STXBP2: variants seen among roughly 807,000 people sequenced by gnomAD.
STXBP2 encodes syntaxin binding protein 2.
In STXBP2, 47 loss-of-function variants were observed where a neutral mutation model predicts 72.2. The ratio of observed to expected loss-of-function variants is 0.65; its 90% CI spans 0.51 to 0.83. The LOEUF (loss-of-function observed/expected upper bound fraction) is 0.83, where lower values mean the gene tolerates loss of function less well. STXBP2 is among the 40% of genes least tolerant of loss of function. The pLI is 0.00. For synonymous variants in STXBP2, 367 were observed against 338.7 expected (o/e 1.08, Z -0.92); for missense variants, 702 against 807.6 (o/e 0.87, Z 1.58).
chr19:7,642,801 GC>G lies in STXBP2; in HGVS notation c.939del (p.Ser313ArgfsTer4), dbSNP rs771855992. ...GAGCTCCTGAGGACCTTCTGTGAGA[GC>G]AAGAGGCTGACCACGGACAAGGTAG... is the stretch of plus-strand genomic sequence containing the variant. ...VTELLRTFCE[S>X]KRLTTDKANI... On this transcript the variant is annotated frameshift_variant, in exon 11 of 19. Transcript: ENST00000221283. LOFTEE classifies it high-confidence loss of function. This position sits in a 1 kb window ranked among gnomAD's most constrained non-coding sequence, Gnocchi z 6.0. 1 of 1,614,086 alleles carries G rather than the reference GC, an allele frequency of 6.2e-7. No homozygotes were observed. The highest frequency in any genetic ancestry group is 8.5e-7 in the Non-Finnish European group (1 of 1,180,012).
At chr19:7,644,582 C>T (rs547719405) in intron 13 of STXBP2, 32 bp from the exon 14 acceptor site, 81 of 1,608,080 alleles carry the variant, frequency 5.0e-5, no homozygotes, top group East Asian at 4.2e-4. Flanking sequence ...TGACACATAG[C>T]GGCCGGTGGA....
rs909117786 is a variant in STXBP2, at chr19:7,647,097, G to C, written c.1453-65G>C. 44 of 1,561,958 alleles carry C rather than the reference G, an allele frequency of 2.8e-5. No homozygotes were observed. In the Admixed American group the frequency reaches 7.4e-4, roughly 26 times the overall value. On this transcript the variant is annotated intron_variant, in intron 16 of 18. Transcript: ENST00000221283. ...ATCTTGGCCCCTGAATACCCCGTGGGGGGCACTCCTGACCCCGGACCCCAT... is the reference window on the plus strand; with the variant it reads ...ATCTTGGCCCCTGAATACCCCGTGGCGGGCACTCCTGACCCCGGACCCCAT...
upstream of STXBP2, among the ~76,000 whole-genome samples, chr19:7,634,313 A>G (rs2031448536): frequency 6.6e-6 from 1 of 152,132 alleles, no homozygotes; most frequent in South Asian, 2.1e-4. Flanking sequence ...TTCCCTCCCC[A>G]AGACGCCTTT....
At chr19:7,645,359 C>A in intron 15 of STXBP2, 53 bp downstream of exon 15, 1 of 1,515,950 alleles carries the variant, frequency 6.6e-7, no homozygotes. Context: ...GGATCACAGC[C>A]GGGGCTCTGC....
upstream of STXBP2, chr19:7,633,007 C>T: frequency 7.0e-7 from 1 of 1,432,856 alleles, no homozygotes; most frequent in Non-Finnish European, 9.1e-7. Flanking sequence ...CATGAGTCTC[C>T]TTCCCAATCC....
At chr19:7,630,535 T>TG in the STXBP2 span, 1 of 1,464,052 alleles carries the variant, frequency 6.8e-7, no homozygotes, top group South Asian at 1.2e-5. Context: ...GCACATTGCT[T>TG]GGGGGGAGCT....
intron 6 of STXBP2, chr19:7,641,220 AT>A: frequency 1.6e-6 from 1 of 607,784 alleles, no homozygotes; most frequent in Non-Finnish European, 3.0e-6. Context: ...AAAGAAAGAA[AT>A]TAGCTTGGCG....
intron 13 of STXBP2, among the ~76,000 whole-genome samples, chr19:7,644,079 AGCCTTGGAG>A: frequency 3.0e-5 from 4 of 132,804 alleles, no homozygotes; most frequent in Non-Finnish European, 3.2e-5. Context: ...TGAGGGGTGG[AGCCTTGGAG>A]AGCTGGGACC....
At chr19:7,632,283 G>A (rs373087080), upstream of STXBP2, 215 of 1,505,492 alleles carry the variant, frequency 1.4e-4, 2 homozygotes, top group African/African-American at 1.7e-3. The surrounding 1 kb of genome is among the most constrained non-coding windows in gnomAD (Gnocchi z 5.2). Context: ...TCAGGGCAGC[G>A]GATGGACAGA....
At chr19:7,631,901 G>T, upstream of STXBP2, 1 of 1,214,216 alleles carries the variant, frequency 8.2e-7, no homozygotes. Flanking sequence ...GGTAGCCACC[G>T]TGTCCCACCT....
intron 3 of STXBP2, 182 bp from the exon 4 acceptor site, chr19:7,639,549 C>T: frequency 1.5e-6 from 1 of 661,644 alleles, no homozygotes; most frequent in African/African-American, 1.8e-5. Context: ...CAGTTGGCTG[C>T]ACAACCCCTG....
chr19:7,630,396 T>G, the STXBP2 span: 1 of 608,132 alleles, frequency 1.6e-6, no homozygotes, highest in Non-Finnish European at 2.9e-6. Flanking sequence ...TCCTGGATTA[T>G]AGGAGTTAGG....
rs1477993209 is a variant in STXBP2, at chr19:7,647,335, C to T, written c.1539-19C>T. 2.5e-6 allele frequency: 4 copies of T among 1,612,858 alleles called. No individual in the cohort carries two copies. The South Asian group carries it at 4.4e-5, about 18-fold the overall frequency. On this transcript the variant is annotated intron_variant, in intron 17 of 18. Transcript: ENST00000221283. ...GGTGAGGGCCTCCTGCCTGGACTTTCTGCCCCTGCCCTGCACAGTGCCCGC... is the reference window on the plus strand; with the variant it reads ...GGTGAGGGCCTCCTGCCTGGACTTTTTGCCCCTGCCCTGCACAGTGCCCGC...
chr19:7,644,481 G>A, intron 13 of STXBP2, 133 bp from the exon 14 acceptor site: 1 of 1,266,106 alleles, frequency 7.9e-7, no homozygotes, highest in East Asian at 2.5e-5. Flanking sequence ...GGGACCTTGA[G>A]AGACCTGGTG....
At chr19:7,645,374 C>A in intron 15 of STXBP2, 68 bp downstream of exon 15, 1 of 1,454,080 alleles carries the variant, frequency 6.9e-7, no homozygotes, top group Non-Finnish European at 9.4e-7. Context: ...CTCTGCAAGG[C>A]AGAGGGCCAT....
intron 6 of STXBP2, among the ~76,000 whole-genome samples, chr19:7,641,411 C>T (rs2031869864): frequency 6.6e-6 from 1 of 152,106 alleles, no homozygotes; most frequent in South Asian, 2.1e-4. Context: ...GGGAGGTACC[C>T]ACAGAGTCCA....
intron 15 of STXBP2, among the ~76,000 whole-genome samples, chr19:7,645,779 C>T (rs530512451): frequency 2.8e-4 from 43 of 151,394 alleles, no homozygotes; most frequent in Non-Finnish European, 5.3e-4. Flanking sequence ...ACCCCGTCCC[C>T]ATCTCTCCCC....
the STXBP2 span, chr19:7,630,078 G>T: frequency 1.8e-6 from 1 of 555,606 alleles, no homozygotes; most frequent in Non-Finnish European, 3.1e-6. Context: ...CTGTGAGAGG[G>T]CTGGTCCGAG....
chr19:7,647,533 C>T (rs1266891323), intron 18 of STXBP2, 22 bp downstream of exon 18: 2 of 1,578,836 alleles, frequency 1.3e-6, no homozygotes, highest in Non-Finnish European at 1.7e-6. Flanking sequence ...GGACTGGGAC[C>T]CTGGGGTCTG....
Sources: allele counts gnomAD v4.1 joint callset (sites outside exome capture counted in the v4.1 genomes callset), GRCh38; gene constraint gnomAD v4.1.1; non-coding constraint Gnocchi (gnomAD v3.1); transcripts MANE v1.5; gene names NCBI Gene and HGNC (gene_info 2026-07-23, HGNC 2026-07-21).